The following TBCD variants were observed in gnomAD, a reference collection of about 807,000 sequenced individuals.
The protein encoded by TBCD is tubulin folding cofactor D, also known as tubulin-specific chaperone D.
TBCD carries 105 observed loss-of-function variants against 169.3 expected under a neutral mutation model. That is an observed-to-expected ratio of 0.62 (90% CI 0.53 to 0.73). The LOEUF (loss-of-function observed/expected upper bound fraction) is 0.73, where lower values mean the gene tolerates loss of function less well. Ranked by LOEUF, TBCD falls within the 30% of genes least tolerant of loss-of-function variation. TBCD has a pLI of 0.00. For missense variants in TBCD, 1,444 were observed against 1,600.1 expected (o/e 0.90, Z 1.66); for synonymous variants, 700 against 643.9 (o/e 1.09, Z -1.32).
chr17:82,787,353 C>T lies in TBCD; in HGVS notation c.771+5632C>T, dbSNP rs74000082. ...GAAACTGCCGTGAAGCAACGCCTGG[C>T]GGGGCCGGGCTTCTGGCAGCTCCTG... On this transcript the variant is annotated intron_variant, in intron 7 of 38. Coordinates refer to ENST00000355528, the MANE Select transcript of TBCD (RefSeq NM_005993.5). Among the ~76,000 whole-genome samples the T allele has an allele frequency of 9.6e-3, 1,458 of 152,356 alleles. 19 individuals carry two copies. Among genetic ancestry groups the T allele is most frequent in the African/African-American group, 0.032 (1,343 of 41,586 alleles).
chr17:82,888,642 G>A (rs1011508208), intron 15 of TBCD, among the ~76,000 whole-genome samples: 3 of 152,202 alleles, frequency 2.0e-5, no homozygotes, highest in Non-Finnish European at 4.4e-5. Context: ...CCGCACGTCT[G>A]GTTTCTGTGT....
intron 37 of TBCD, among the ~76,000 whole-genome samples, chr17:82,940,219 G>GTGCACACACA (rs1555672915): frequency 1.1e-5 from 1 of 94,524 alleles, no homozygotes; most frequent in African/African-American, 3.1e-5. Flanking sequence ...ACTTGCACGC[G>GTGCACACACA]CGCACACACA....
intron 23 of TBCD, chr17:82,913,444 G>C (rs2060797361): frequency 6.6e-6 from 1 of 152,360 alleles, no homozygotes; most frequent in African/African-American, 2.4e-5. Context: ...CGACGGAGTT[G>C]AAGGTGTTCC....
intron 13 of TBCD, chr17:82,830,538 A>G (rs141258162): frequency 1.7e-5 from 27 of 1,613,972 alleles, no homozygotes; most frequent in Admixed American, 1.0e-4. Context: ...GGCTGGGCCC[A>G]TCCTCAGAAC....
chr17:82,866,597 G>T lies in TBCD; in HGVS notation c.1319-3627G>T, dbSNP rs1351923230. ...TTGGAGGTTTCTGAGCAGCAGGAGG[G>T]CAGGAGAAAGGCCCCAGGACTTTGC... On this transcript the variant is annotated intron_variant, in intron 13 of 38. Transcript: ENST00000355528. Among the ~76,000 whole-genome samples the T allele has an allele frequency of 2.9e-4, 44 of 152,234 alleles. 1 individual carries two copies. The highest frequency in any genetic ancestry group is 2.9e-3 in the Admixed American group (44 of 15,286).
chr17:82,911,694 A>C, intron 22 of TBCD, 64 bp from the exon 23 acceptor site: 2 of 1,515,298 alleles, frequency 1.3e-6, no homozygotes, highest in Non-Finnish European at 1.8e-6. Context: ...ATTGGCAAGC[A>C]TATTTCATGG....
In TBCD at chr17:82,806,022, T is replaced by C. The variant is rs1301224827; in HGVS notation, c.1087+11T>C. 1.2e-6 allele frequency: 2 copies of C among 1,609,308 alleles called. No homozygotes were observed. The highest frequency in any genetic ancestry group is 1.7e-5 in the Admixed American group (1 of 59,888). ...TGGAGCGTGTGATAGGTGCGTGGGG[T>C]CTAAGCGGCGGCCTCTGCTCTTGGG... On this transcript the variant is annotated intron_variant, in intron 10 of 38. Coordinates refer to ENST00000355528, the MANE Select transcript of TBCD (RefSeq NM_005993.5). This position sits in a 1 kb window ranked among gnomAD's most constrained non-coding sequence, Gnocchi z 5.1.
At chr17:82,942,220 G>C (rs2063366657) in intron 38 of TBCD, 1 of 596,500 alleles carries the variant, frequency 1.7e-6, no homozygotes, top group Non-Finnish European at 3.0e-6. Context: ...GCAGTGCAGT[G>C]AACCTCCCTT....
chr17:82,922,524 T>C lies in TBCD; in HGVS notation c.2178+947T>C, dbSNP rs1182191615. Among the ~76,000 whole-genome samples, 3 of 150,732 alleles carry C rather than the reference T, an allele frequency of 2.0e-5. No homozygotes were observed. Among genetic ancestry groups the C allele is most frequent in the African/African-American group, 7.3e-5 (3 of 41,074 alleles). On this transcript the variant is annotated intron_variant, in intron 25 of 38. Transcript: ENST00000355528. The surrounding 1 kb of genome is among the most constrained non-coding windows in gnomAD (Gnocchi z 4.1). ...TTCCTTAGCATCTTCAATTTTCTTA[T>C]TTTTTTTTTCTTAAGGAACTTGAAC...
At position 82,930,184 on chromosome 17, in the gene TBCD, C is replaced by T. The variant is rs944220337; in HGVS notation, c.2992-338C>T. ...GAGCGGGGCCCCGAGACATTCTGCA[C>T]TCGGGAATTGCGGGGATTATCAAAT... is the stretch of plus-strand genomic sequence containing the variant. On this transcript the variant is annotated intron_variant, in intron 32 of 38. Transcript: ENST00000355528. This position sits in a 1 kb window ranked among gnomAD's most constrained non-coding sequence, Gnocchi z 5.2. 1 of 338,564 alleles carries T rather than the reference C, an allele frequency of 3.0e-6. No individual in the cohort carries two copies. The highest frequency in any genetic ancestry group is 2.2e-5 in the African/African-American group (1 of 46,502). The allele number at this position is 338,564 out of a possible 1,614,324, so 21.0% of individuals were successfully genotyped here.
In TBCD at chr17:82,835,975, C is replaced by A. The variant is rs534162529; in HGVS notation, c.1318+21041C>A. Among the ~76,000 whole-genome samples, 282 of 152,332 alleles carry A rather than the reference C, an allele frequency of 1.9e-3. No homozygotes were observed. Among genetic ancestry groups the A allele is most frequent in the African/African-American group, 6.0e-3 (249 of 41,588 alleles). Reference sequence around the variant, plus strand: ...TGTCGGGTGACACCCTGGGCTCAGACCCCGCGCTCAGCACCCGTCTCCCAC... The same window carrying A: ...TGTCGGGTGACACCCTGGGCTCAGAACCCGCGCTCAGCACCCGTCTCCCAC... On this transcript the variant is annotated intron_variant, in intron 13 of 38. Transcript: ENST00000355528. The surrounding 1 kb of genome is among the most constrained non-coding windows in gnomAD (Gnocchi z 4.5).
chr17:82,763,989 A>G lies in TBCD; in HGVS notation c.260A>G (p.Asp87Gly). 2 of 1,613,818 alleles carry G rather than the reference A, an allele frequency of 1.2e-6. No homozygotes were observed. The highest frequency in any genetic ancestry group is 1.7e-6 in the Non-Finnish European group (2 of 1,179,796). The change falls in exon 3 of 39, where the codon GAC (aspartate) becomes GGC (glycine). Residue 87 changes from aspartate (D) to glycine (G), a missense_variant. Transcript: ENST00000355528. ...GAATGGATGATGAACTTGTTGTTGG[A>G]CATAGTGCAAGATCAGACATCTCCA... Reference protein sequence around the residue: ...HLEWMMNLLLDIVQDQTSPAS... With the variant: ...HLEWMMNLLLGIVQDQTSPAS...
intron 29 of TBCD, among the ~76,000 whole-genome samples, 160 bp downstream of exon 29, chr17:82,927,483 G>T (rs149369162): frequency 2.6e-5 from 4 of 152,190 alleles, no homozygotes; most frequent in Non-Finnish European, 4.4e-5. Context: ...CTCTGCTCCC[G>T]GGTGAGCCTG....
Position 82,923,598 on chromosome 17 carries a change from G to A in TBCD, c.2179-54G>A, listed in dbSNP as rs553878540. The A allele has an allele frequency of 4.2e-5, 60 of 1,432,132 alleles. No homozygotes were observed. Among genetic ancestry groups the A allele is most frequent in the African/African-American group, 2.7e-4 (19 of 70,462 alleles). 88.7% of individuals were successfully genotyped at this position (1,432,132 alleles called of 1,614,324 possible). On this transcript the variant is annotated intron_variant, in intron 25 of 38. Coordinates refer to ENST00000355528, the MANE Select transcript of TBCD (RefSeq NM_005993.5). The surrounding 1 kb of genome is among the most constrained non-coding windows in gnomAD (Gnocchi z 4.6). ...AGAGTGACCTGCTCTGTCCCTGGCC[G>A]GGGGCTTCTCCGAGCAGAGCTGCTG...
intron 1 of TBCD, among the ~76,000 whole-genome samples, chr17:82,753,072 C>T (rs747240629): frequency 1.3e-5 from 2 of 152,204 alleles, no homozygotes; most frequent in Non-Finnish European, 2.9e-5. Flanking sequence ...CCAAACAAGT[C>T]CTTAGGAGCT....
chr17:82,826,542 A>G (rs746404634), intron 13 of TBCD, among the ~76,000 whole-genome samples: 1 of 151,886 alleles, frequency 6.6e-6, no homozygotes, highest in Non-Finnish European at 1.5e-5. Flanking sequence ...CAGCCTCTCA[A>G]GTTGGTGGGA....
rs1235096269 is a variant in TBCD at position 82,909,313 on chromosome 17, C to T, written c.2006+6C>T. On this transcript the variant is annotated splice_donor_region_variant and intron_variant, in intron 22 of 38. Coordinates refer to ENST00000355528, the MANE Select transcript of TBCD (RefSeq NM_005993.5). The stretch of plus-strand genomic sequence containing the variant: ...TATGATCGTCAGTTATACAGGTGAG[C>T]TTTACAAAACCAAAGTTCTTATATC... 4 of 1,521,902 alleles carry T rather than the reference C, an allele frequency of 2.6e-6. No individual in the cohort carries two copies. Among genetic ancestry groups the T allele is most frequent in the African/African-American group, 1.4e-5 (1 of 72,820 alleles). The allele number at this position is 1,521,902 out of a possible 1,614,324, so 94.3% of individuals were successfully genotyped here.
intron 32 of TBCD, 23 bp downstream of exon 32, chr17:82,929,523 G>A (rs1395516618): frequency 6.2e-7 from 1 of 1,601,104 alleles, no homozygotes; most frequent in Non-Finnish European, 8.5e-7. Flanking sequence ...CGGGCTGGCT[G>A]GGGCAGGAGG....
intron 36 of TBCD, among the ~76,000 whole-genome samples, chr17:82,938,807 G>T (rs973761487): frequency 1.1e-5 from 1 of 91,944 alleles, no homozygotes; most frequent in African/African-American, 3.4e-5. Flanking sequence ...GATGAAAAGA[G>T]AGCAGGCGAG....
Sources: gnomAD v4.1 joint callset for allele counts (sites outside exome capture counted in the v4.1 genomes callset) on GRCh38, gnomAD v4.1.1 for gene constraint, Gnocchi (gnomAD v3.1) non-coding constraint, MANE v1.5 for transcripts, NCBI Gene and HGNC (gene_info 2026-07-23, HGNC 2026-07-21) for gene names.